SAMD11: variants seen among roughly 807,000 people sequenced by gnomAD.
SAMD11 encodes sterile alpha motif domain containing 11, also known as sterile alpha motif domain-containing protein 11.
Under a neutral mutation model 64.4 loss-of-function variants are expected in SAMD11, and 77 were observed. The ratio of observed to expected loss-of-function variants is 1.20; its 90% confidence interval spans 0.99 to 1.44. The LOEUF is 1.44. Ranked by LOEUF, SAMD11 falls within the 40% of genes most tolerant of loss-of-function variation. SAMD11 has a pLI of 0.00. For synonymous variants in SAMD11, 658 were observed against 421.9 expected, an observed-to-expected ratio of 1.56 and a Z score of -6.86; for missense variants, 1,402 against 943.3, an observed-to-expected ratio of 1.49 and a Z score of -6.37.
rs1351980078 is a variant in SAMD11, at chr1:924,363, A to G, written c.-69A>G. 1 of 148,856 alleles carries G rather than the reference A, an allele frequency of 6.7e-6. No homozygotes were observed. Among genetic ancestry groups the G allele is most frequent in the East Asian group, 2.0e-4 (1 of 5,096 alleles). 9.2% of individuals were successfully genotyped at this position (148,856 alleles called of 1,614,324 possible). A position where few individuals can be genotyped will look rare whatever the true frequency, so the allele number is the denominator to read the frequency against. On this transcript the variant is annotated 5_prime_UTR_variant, in exon 1 of 14. Coordinates refer to ENST00000616016, the MANE Select transcript of SAMD11 (RefSeq NM_001385641.1). ...GCGCCTCCCCGGCCCCCGCGACCCA[A>G]CTCCAGCCCGGGCCGGAATAAGTTG...
chr1:944,314 CTT>C lies in SAMD11; in HGVS notation c.*162_*163del, dbSNP rs1454017731. On this transcript the variant is annotated 3_prime_UTR_variant, in exon 14 of 14. Coordinates refer to ENST00000616016, the MANE Select transcript of SAMD11 (RefSeq NM_001385641.1). ...AAGGAAAGGAACAAATTTTCAAAGA[CTT>C]GGGGGAGTGAAGGCAGAGCCTGGTG... The C allele has an allele frequency of 2.2e-5, 31 of 1,391,428 alleles. No homozygotes were observed. The highest frequency in any genetic ancestry group is 2.3e-5 in the Non-Finnish European group (25 of 1,079,388). 86.2% of individuals were successfully genotyped at this position (1,391,428 alleles called of 1,614,324 possible). A position where few individuals can be genotyped will look rare whatever the true frequency, so the allele number is the denominator to read the frequency against.
intron 11 of SAMD11, 61 bp from the exon 12 acceptor site, chr1:943,192 C>T (rs975249511): frequency 4.4e-6 from 7 of 1,608,172 alleles, no homozygotes; most frequent in African/African-American, 1.3e-5. Context: ...ACACGACGGT[C>T]AGGAGACGGG....
intron 2 of SAMD11, 35 bp downstream of exon 2, chr1:926,048 C>G: frequency 1.3e-6 from 2 of 1,583,128 alleles, no homozygotes; most frequent in East Asian, 4.5e-5. Flanking sequence ...CTGGGAGTTA[C>G]TCTCCCCTGC....
At chr1:933,521 C>T (rs1467521173) in intron 4 of SAMD11, among the ~76,000 whole-genome samples, 3 of 149,558 alleles carry the variant, frequency 2.0e-5, no homozygotes, top group African/African-American at 7.4e-5. Context: ...ACTAGTTCTC[C>T]TCCTGCAGGC....
rs1427103811 is a variant in SAMD11, at chr1:941,139, C to A, written c.1196-5C>A. The A allele has an allele frequency of 6.3e-7, 1 of 1,595,040 alleles. No homozygotes were observed. The highest frequency in any genetic ancestry group is 8.5e-7 in the Non-Finnish European group (1 of 1,171,866). Reference sequence around the variant, plus strand: ...GGGGGATCACTGCTGTTGTCCCCCACCCAGATCTCCTGAGGGTCCGGCAGG... The same window carrying A: ...GGGGGATCACTGCTGTTGTCCCCCAACCAGATCTCCTGAGGGTCCGGCAGG... On this transcript the variant is annotated splice_polypyrimidine_tract_variant and splice_region_variant and intron_variant, in intron 7 of 13. Transcript: ENST00000616016.
rs992574480 is a variant in SAMD11, at chr1:942,151, G to GC, written c.1380dup (p.Leu462AlafsTer156). The GC allele has an allele frequency of 2.0e-5, 28 of 1,371,872 alleles. No individual in the cohort carries two copies. The highest frequency in any genetic ancestry group is 5.8e-5 in the South Asian group (4 of 69,506). The allele number at this position is 1,371,872 out of a possible 1,614,324, so 85.0% of individuals were successfully genotyped here. ...CCGTCCACAGGGAGCTGCCTCAGCC[G>GC]CCCCCCTTGCTGTCGCCGCAGAATG... On this transcript the variant is annotated frameshift_variant, in exon 9 of 14. Coordinates refer to ENST00000616016, the MANE Select transcript of SAMD11 (RefSeq NM_001385641.1). LOFTEE classifies it high-confidence loss of function.
rs1318926045 is a variant in SAMD11 at position 930,162 on chromosome 1, G to T, written c.617G>T (p.Gly206Val). The change falls in exon 3 of 14, where the codon GGG (glycine) becomes GTG (valine). Residue 206 changes from glycine (G) to valine (V), a missense_variant. Transcript: ENST00000616016. The stretch of plus-strand genomic sequence containing the variant: ...CTCCTCCTGCCCCACCAGAACCGGG[G>T]GCGGCTGGCAGACAAGAGGACAGTC... ...GCRISSPVNR[G>V]RLADKRTVAL... The T allele has an allele frequency of 6.4e-7, 1 of 1,555,954 alleles. No homozygotes were observed. Among genetic ancestry groups the T allele is most frequent in the Non-Finnish European group, 8.7e-7 (1 of 1,150,014 alleles).
chr1:926,092 G>A (rs1640871238), intron 2 of SAMD11, 79 bp downstream of exon 2: 5 of 1,388,030 alleles, frequency 3.6e-6, no homozygotes, highest in South Asian at 2.3e-5. Flanking sequence ...GGGTTTTCAG[G>A]ATCGAGAGTC....
At chr1:931,240 T>C in intron 4 of SAMD11, 151 bp downstream of exon 4, 1 of 792,582 alleles carries the variant, frequency 1.3e-6, no homozygotes, top group Non-Finnish European at 2.1e-6. Context: ...TGACATGTGC[T>C]GCAAGGTTGT....
chr1:943,804 C>A lies in SAMD11; in HGVS notation c.2285C>A (p.Ala762Asp). 1 of 1,612,850 alleles carries A rather than the reference C, an allele frequency of 6.2e-7. No homozygotes were observed. Among genetic ancestry groups the A allele is most frequent in the South Asian group, 1.1e-5 (1 of 91,074 alleles). ...CTGGGGCCCGCCCTCAAGATCCGGGCCCAGGTGAGACGCTGGGGAGTGAGG... is the reference window on the plus strand; with the variant it reads ...CTGGGGCCCGCCCTCAAGATCCGGGACCAGGTGAGACGCTGGGGAGTGAGG... ...LKLGPALKIR[A>D]QVARRLGRVF... The change falls in exon 13 of 14, where the codon GCC (alanine) becomes GAC (aspartate). Residue 762 changes from alanine (A) to aspartate (D), a missense_variant. By Grantham distance (126) the Ala-to-Asp change is moderately radical (BLOSUM62 -2). Coordinates refer to ENST00000616016, the MANE Select transcript of SAMD11 (RefSeq NM_001385641.1).
At chr1:942,022 G>A (rs988009295) in intron 8 of SAMD11, 114 bp from the exon 9 acceptor site, 7 of 433,004 alleles carry the variant, frequency 1.6e-5, no homozygotes, top group Non-Finnish European at 2.9e-5. Context: ...GTAACGAGCT[G>A]CGCATCGACC....
Position 942,828 on chromosome 1 carries a change from G to A in SAMD11, c.1823G>A (p.Ser608Asn). The change falls in exon 11 of 14, where the codon AGC (serine) becomes AAC (asparagine). Residue 608 changes from serine to asparagine, a missense_variant. Transcript: ENST00000616016. ...GGPGPASARP[S>N]ESKEMTGARL... ...CCCGGCCCTGCCTCAGCGCGGCCCAGCGAGTCCAAGGAGATGACGGGGGCT... is the reference window on the plus strand; with the variant it reads ...CCCGGCCCTGCCTCAGCGCGGCCCAACGAGTCCAAGGAGATGACGGGGGCT... 2 of 1,549,706 alleles carry A rather than the reference G, an allele frequency of 1.3e-6. No individual in the cohort carries two copies. Among genetic ancestry groups the A allele is most frequent in the Non-Finnish European group, 1.7e-6 (2 of 1,146,896 alleles).
chr1:929,540 CT>C (rs1281985629), intron 2 of SAMD11, among the ~76,000 whole-genome samples: 9 of 152,232 alleles, frequency 5.9e-5, no homozygotes, highest in Admixed American at 2.0e-4. Flanking sequence ...AGGGCATTCG[CT>C]TGTCAACGTT....
chr1:929,811 C>T (rs1276935754), intron 2 of SAMD11, among the ~76,000 whole-genome samples: 1 of 152,168 alleles, frequency 6.6e-6, no homozygotes, highest in Non-Finnish European at 1.5e-5. Context: ...CCTCTAGCAT[C>T]CTCAAGGGCT....
chr1:944,242 C>G lies in SAMD11; in HGVS notation c.*89C>G, dbSNP rs894087603. On this transcript the variant is annotated 3_prime_UTR_variant, in exon 14 of 14. Coordinates refer to ENST00000616016, the MANE Select transcript of SAMD11 (RefSeq NM_001385641.1). ...CTGCCTCCCACCGCTTTATTTCTTTCGGTTTCGGATGCAAAACAAAAAATT... is the reference window on the plus strand; with the variant it reads ...CTGCCTCCCACCGCTTTATTTCTTTGGGTTTCGGATGCAAAACAAAAAATT... 4 of 1,447,196 alleles carry G rather than the reference C, an allele frequency of 2.8e-6. No homozygotes were observed. The South Asian group carries it at 5.1e-5, about 19-fold the overall frequency. 89.6% of individuals were successfully genotyped at this position (1,447,196 alleles called of 1,614,324 possible).
chr1:943,526 C>T (rs1042419364), intron 12 of SAMD11, 149 bp downstream of exon 12: 1 of 549,568 alleles, frequency 1.8e-6, no homozygotes, highest in Non-Finnish European at 2.8e-6. Flanking sequence ...TGCACCCCAC[C>T]TTTTTTTTTT....
At position 941,171 on chromosome 1, in the gene SAMD11, C is replaced by T. The variant is rs1469294756; in HGVS notation, c.1223C>T (p.Ala408Val). ...CTCCTGAGGGTCCGGCAGGAGGTGG[C>T]GGCTGCAGCTCTGAGGGGCCCCAGT... ...HDLLRVRQEV[A>V]AAALRGPSGL... Residue 408 changes from alanine to valine, a missense_variant, in exon 8 of 14, where the codon GCG becomes GTG. Coordinates refer to ENST00000616016, the MANE Select transcript of SAMD11 (RefSeq NM_001385641.1). 3 of 1,601,154 alleles carry T rather than the reference C, an allele frequency of 1.9e-6. No homozygotes were observed. The highest frequency in any genetic ancestry group is 2.3e-5 in the East Asian group (1 of 44,234).
intron 13 of SAMD11, 28 bp downstream of exon 13, chr1:943,836 T>C (rs752918530): frequency 6.2e-7 from 1 of 1,612,634 alleles, no homozygotes; most frequent in Admixed American, 1.7e-5. Context: ...GAGGTCAGGG[T>C]CTCCAGACCA....
intron 5 of SAMD11, among the ~76,000 whole-genome samples, chr1:937,614 G>A (rs550987470): frequency 6.6e-6 from 1 of 151,020 alleles, no homozygotes; most frequent in Non-Finnish European, 1.5e-5. Flanking sequence ...AGCCCACCGA[G>A]CTCTGGCACG....
Sources: gnomAD v4.1 joint callset for allele counts (sites outside exome capture counted in the v4.1 genomes callset) on GRCh38, gnomAD v4.1.1 for gene constraint, MANE v1.5 for transcripts, NCBI Gene and HGNC (gene_info 2026-07-23, HGNC 2026-07-21) for gene names.